Variants in CDH18 observed in about 807,000 individuals in gnomAD.
CDH18 encodes cadherin-18.
In CDH18, 31 loss-of-function variants were observed where a neutral mutation model predicts 67.9. That is an observed-to-expected ratio of 0.46 (90% confidence interval 0.34 to 0.62). The LOEUF is 0.62. Among genes scored for constraint, CDH18 ranks in the 20% least tolerant of loss-of-function variants. The pLI is 0.01. For synonymous variants in CDH18, 362 were observed against 347.2 expected, an observed-to-expected ratio of 1.04 and a Z score of -0.48; for missense variants, 890 against 975.5, an observed-to-expected ratio of 0.91 and a Z score of 1.17.
intron 2 of CDH18, among the ~76,000 whole-genome samples, chr5:20,172,230 A>ACACATG (rs1554098793): frequency 1.0e-5 from 1 of 96,676 alleles, no homozygotes; most frequent in African/African-American, 3.9e-5. Context: ...ATATGTATAT[A>ACACATG]TATATATATG....
At chr5:19,540,966 GT>G (rs1750169088) in intron 9 of CDH18, among the ~76,000 whole-genome samples, 1 of 152,090 alleles carries the variant, frequency 6.6e-6, no homozygotes, top group Non-Finnish European at 1.5e-5. Flanking sequence ...CAGTTAATGG[GT>G]TTTTCTTTTT....
intron 1 of CDH18, among the ~76,000 whole-genome samples, chr5:20,475,302 C>T (rs1194675532): frequency 6.6e-6 from 1 of 151,234 alleles, no homozygotes. Flanking sequence ...TTTTATGTTC[C>T]AGGCATTAAG....
chr5:19,515,450 T>C (rs940160484), intron 10 of CDH18, among the ~76,000 whole-genome samples: 1 of 138,352 alleles, frequency 7.2e-6, no homozygotes, highest in Non-Finnish European at 1.6e-5. Context: ...TATGGCCATT[T>C]TCATGATATT....
rs561266882 is a variant in CDH18, at chr5:19,552,852, C to A, written c.1254-8847G>T. Among the ~76,000 whole-genome samples, 21 of 152,288 alleles carry A rather than the reference C, an allele frequency of 1.4e-4. 1 individual carries two copies. Among genetic ancestry groups the A allele is most frequent in the African/African-American group, 4.8e-4 (20 of 41,570 alleles). On this transcript the variant is annotated intron_variant, in intron 8 of 12. Transcript: ENST00000382275. ...AGATCTTGCCAAGTTCCCAATATAA[C>A]TTATAAATACTGGCTATAATTTTTT...
intron 1 of CDH18, among the ~76,000 whole-genome samples, chr5:20,360,700 T>G (rs958266900): frequency 5.3e-5 from 8 of 152,228 alleles, no homozygotes; most frequent in Non-Finnish European, 1.0e-4. Context: ...AACATCATAC[T>G]TCTATCAGTC....
At chr5:19,709,541 T>C (rs1764430691) in intron 5 of CDH18, among the ~76,000 whole-genome samples, 3 of 150,242 alleles carry the variant, frequency 2.0e-5, no homozygotes. Flanking sequence ...TATTCCAGCC[T>C]GGGCAACAAG....
At chr5:19,555,598 T>C (rs572175413) in intron 8 of CDH18, among the ~76,000 whole-genome samples, 1 of 152,110 alleles carries the variant, frequency 6.6e-6, no homozygotes, top group Non-Finnish European at 1.5e-5. Context: ...CACATCCCCA[T>C]CCTCCACAGC....
intron 5 of CDH18, among the ~76,000 whole-genome samples, chr5:19,720,645 G>A (rs1323753683): frequency 6.6e-6 from 1 of 152,018 alleles, no homozygotes; most frequent in African/African-American, 2.4e-5. Context: ...GATATGACAG[G>A]ATATAACTGA....
intron 1 of CDH18, among the ~76,000 whole-genome samples, chr5:19,982,667 T>G (rs1473431338): frequency 6.6e-6 from 1 of 152,142 alleles, no homozygotes; most frequent in Non-Finnish European, 1.5e-5. Flanking sequence ...ATATATTGAT[T>G]TTCACTTCCA....
intron 1 of CDH18, among the ~76,000 whole-genome samples, chr5:20,568,542 T>C (rs1758639401): frequency 6.6e-6 from 1 of 152,134 alleles, no homozygotes; most frequent in Non-Finnish European, 1.5e-5. Context: ...AACTAAACTT[T>C]ATGAAAAAGA....
chr5:20,251,724 A>G (rs1743873708), intron 2 of CDH18, among the ~76,000 whole-genome samples: 1 of 152,102 alleles, frequency 6.6e-6, no homozygotes, highest in South Asian at 2.1e-4. Flanking sequence ...TTTGGTTTAT[A>G]TTTTGCTGTT....
intron 2 of CDH18, among the ~76,000 whole-genome samples, chr5:19,904,252 C>A (rs1340705668): frequency 2.0e-5 from 3 of 147,266 alleles, no homozygotes; most frequent in Admixed American, 6.9e-5. Flanking sequence ...CCAGCCTGGG[C>A]GACAGTTAGA....
chr5:19,859,713 G>C (rs1784675846), intron 2 of CDH18, among the ~76,000 whole-genome samples: 1 of 152,044 alleles, frequency 6.6e-6, no homozygotes, highest in Non-Finnish European at 1.5e-5. Context: ...ATTTCCAGTT[G>C]TCCTGCCTTT....
At chr5:20,556,274 C>G (rs964686959) in intron 1 of CDH18, among the ~76,000 whole-genome samples, 7 of 152,134 alleles carry the variant, frequency 4.6e-5, no homozygotes, top group African/African-American at 7.2e-5. Context: ...TCAAAGTGCT[C>G]AGCAGATCTA....
At chr5:20,225,939 T>G (rs1200458869) in intron 2 of CDH18, among the ~76,000 whole-genome samples, 1 of 151,990 alleles carries the variant, frequency 6.6e-6, no homozygotes, top group East Asian at 1.9e-4. Flanking sequence ...TGGGACCTGT[T>G]TATGATCTTT....
intron 1 of CDH18, among the ~76,000 whole-genome samples, chr5:20,496,672 A>C (rs2457044): frequency 0.46 from 69,643 of 151,898 alleles, 16,310 homozygotes; most frequent in East Asian, 0.55. Context: ...TGTGCTCTTC[A>C]CGCTTTTACT....
intron 3 of CDH18, among the ~76,000 whole-genome samples, chr5:19,759,718 G>A (rs1326878305): frequency 6.6e-6 from 1 of 152,122 alleles, no homozygotes; most frequent in Non-Finnish European, 1.5e-5. Flanking sequence ...CCCAATGCAT[G>A]GTTAACCTGA....
intron 2 of CDH18, among the ~76,000 whole-genome samples, chr5:20,154,075 G>C (rs1751340612): frequency 6.6e-6 from 1 of 152,054 alleles, no homozygotes; most frequent in Non-Finnish European, 1.5e-5. Flanking sequence ...TCCAGTAACA[G>C]GCCGTTACAT....
At chr5:19,690,555 A>G (rs1761725108) in intron 5 of CDH18, among the ~76,000 whole-genome samples, 1 of 151,588 alleles carries the variant, frequency 6.6e-6, no homozygotes, top group Admixed American at 6.6e-5. Flanking sequence ...CTAAACAACA[A>G]CAGAAAACAC....
Sources: gnomAD v4.1 joint callset for allele counts (sites outside exome capture counted in the v4.1 genomes callset) on GRCh38, gnomAD v4.1.1 for gene constraint, MANE v1.5 for transcripts, NCBI Gene and HGNC (gene_info 2026-07-23, HGNC 2026-07-21) for gene names.